The following MFSD2B variants were observed in gnomAD, a reference collection of about 807,000 sequenced individuals.
MFSD2B encodes MFSD2 lysolipid transporter B, sphingolipid.
Under a neutral mutation model 58.4 loss-of-function variants are expected in MFSD2B, and 56 were observed. The observed-to-expected ratio is 0.96, with a 90% CI of 0.77 to 1.20. The LOEUF is 1.20. Among genes scored for constraint, MFSD2B ranks in the 50% most tolerant of loss-of-function variants. MFSD2B has a pLI of 0.00. For missense variants in MFSD2B, 645 were observed against 667.6 expected (o/e 0.97, Z 0.37); for synonymous variants, 287 against 294.4 (o/e 0.97, Z 0.26).
rs1231593738 is a variant in MFSD2B, at chr2:24,020,856, C to T, written c.682-792C>T. ...AGCTGGAATGACAGGCATGAGCCAC[C>T]GTGCCTGTCCCTGCTTCCTATATTA... On this transcript the variant is annotated intron_variant, in intron 6 of 13. Coordinates refer to ENST00000338315, the MANE Select transcript of MFSD2B (RefSeq NM_001346880.2). This position sits in a 1 kb window ranked among gnomAD's most constrained non-coding sequence, Gnocchi z 4.1. Among the ~76,000 whole-genome samples the T allele has an allele frequency of 5.3e-5, 8 of 151,980 alleles. No homozygotes were observed. The highest frequency in any genetic ancestry group is 9.7e-5 in the African/African-American group (4 of 41,368).
At chr2:24,015,615 G>A (rs573663663) in intron 2 of MFSD2B, among the ~76,000 whole-genome samples, 84 of 152,342 alleles carry the variant, frequency 5.5e-4, no homozygotes, top group African/African-American at 2.0e-3. Context: ...TTGGGATGCT[G>A]CGATTTCAGA....
rs1369376666 is a variant in MFSD2B at position 24,020,869 on chromosome 2, G to A, written c.682-779G>A. Among the ~76,000 whole-genome samples the A allele has an allele frequency of 1.3e-5, 2 of 151,696 alleles. No homozygotes were observed. The highest frequency in any genetic ancestry group is 2.9e-5 in the Non-Finnish European group (2 of 67,884). ...GGCATGAGCCACCGTGCCTGTCCCTGCTTCCTATATTAATTTTTTATTTTT... is the reference window on the plus strand; with the variant it reads ...GGCATGAGCCACCGTGCCTGTCCCTACTTCCTATATTAATTTTTTATTTTT... On this transcript the variant is annotated intron_variant, in intron 6 of 13. Coordinates refer to ENST00000338315, the MANE Select transcript of MFSD2B (RefSeq NM_001346880.2). This position sits in a 1 kb window ranked among gnomAD's most constrained non-coding sequence, Gnocchi z 4.1.
At position 24,023,764 on chromosome 2, in the gene MFSD2B, G is replaced by A; in HGVS notation, c.1313+38G>A. 6.2e-7 allele frequency: 1 copy of A among 1,606,554 alleles called. No individual in the cohort carries two copies. Among genetic ancestry groups the A allele is most frequent in the Non-Finnish European group, 8.5e-7 (1 of 1,175,172 alleles). ...GTTAGGATACAGCAGAGGCACCAAG[G>A]ACCAGTGGGCAGGAAGAGGGCAAAG... is the stretch of plus-strand genomic sequence containing the variant. On this transcript the variant is annotated intron_variant, in intron 12 of 13. Transcript: ENST00000338315. The surrounding 1 kb of genome is among the most constrained non-coding windows in gnomAD (Gnocchi z 5.0).
Position 24,022,406 on chromosome 2 carries a change from A to G in MFSD2B, c.895-27A>G, listed in dbSNP as rs530457898. On this transcript the variant is annotated intron_variant, in intron 8 of 13. Transcript: ENST00000338315. This position sits in a 1 kb window ranked among gnomAD's most constrained non-coding sequence, Gnocchi z 4.5. ...TCTGAGCTCCTGCCATGCCCTGCAC[A>G]TACCCACTTCCTGTCCATCTCCTCA... 1 of 1,594,160 alleles carries G rather than the reference A, an allele frequency of 6.3e-7. No individual in the cohort carries two copies. Among genetic ancestry groups the G allele is most frequent in the Non-Finnish European group, 8.6e-7 (1 of 1,165,112 alleles).
rs561714317 is a variant in MFSD2B, at chr2:24,020,633, C to T, written c.682-1015C>T. ...GGAGTGCAATGGTGCAATCACAGCTCACAGCAACCTCGACCTCCCAGACTC... is the reference window on the plus strand; with the variant it reads ...GGAGTGCAATGGTGCAATCACAGCTTACAGCAACCTCGACCTCCCAGACTC... On this transcript the variant is annotated intron_variant, in intron 6 of 13. Coordinates refer to ENST00000338315, the MANE Select transcript of MFSD2B (RefSeq NM_001346880.2). This position sits in a 1 kb window ranked among gnomAD's most constrained non-coding sequence, Gnocchi z 4.1. 6.6e-6 allele frequency among the ~76,000 whole-genome samples: 1 copy of T among 152,290 alleles called. No homozygotes were observed. Among genetic ancestry groups the T allele is most frequent in the South Asian group, 2.1e-4 (1 of 4,822 alleles).
At chr2:24,013,450 CT>C in intron 2 of MFSD2B, 40 bp downstream of exon 2, 1 of 1,559,744 alleles carries the variant, frequency 6.4e-7, no homozygotes, top group Non-Finnish European at 8.7e-7. Context: ...TGGCATCTTC[CT>C]TGGGGTCTGG....
Position 24,010,187 on chromosome 2 carries a change from C to A in MFSD2B, c.91C>A (p.Arg31=), listed in dbSNP as rs951627734. The A allele has an allele frequency of 3.5e-6, 5 of 1,417,134 alleles. No individual in the cohort carries two copies. The Admixed American group carries it at 8.9e-5, about 25-fold the overall frequency. 87.8% of individuals were successfully genotyped at this position (1,417,134 alleles called of 1,614,324 possible). A position where few individuals can be genotyped will look rare whatever the true frequency, so the allele number is the denominator to read the frequency against. The stretch of plus-strand genomic sequence containing the variant: ...CGGCCCGGGGAGCGCCAAGCGAGGG[C>A]GAGAGGTGAGCGGGGCGGCGGGGAC... ...EPGPGSAKRG[R]EDSRAGRLSF... Residue 31 remains arginine, a synonymous_variant, in exon 1 of 14, where the codon CGA becomes AGA. Coordinates refer to ENST00000338315, the MANE Select transcript of MFSD2B (RefSeq NM_001346880.2).
At position 24,020,287 on chromosome 2, in the gene MFSD2B, A is replaced by G. The variant is rs962002455; in HGVS notation, c.682-1361A>G. Among the ~76,000 whole-genome samples, 1 of 152,206 alleles carries G rather than the reference A, an allele frequency of 6.6e-6. No homozygotes were observed. Among genetic ancestry groups the G allele is most frequent in the Non-Finnish European group, 1.5e-5 (1 of 68,030 alleles). On this transcript the variant is annotated intron_variant, in intron 6 of 13. Transcript: ENST00000338315. This position sits in a 1 kb window ranked among gnomAD's most constrained non-coding sequence, Gnocchi z 4.1. The stretch of plus-strand genomic sequence containing the variant: ...TTGGTGGCTCACAACCCACTGTCCC[A>G]TCAGATTTCACTTACAAAATTGAAA...
rs921946640 is a variant in MFSD2B at position 24,010,140 on chromosome 2, C to A, written c.44C>A (p.Pro15Gln). The A allele has an allele frequency of 2.7e-6, 4 of 1,463,400 alleles. No individual in the cohort carries two copies. The African/African-American group carries it at 4.4e-5, about 16-fold the overall frequency. The allele number at this position is 1,463,400 out of a possible 1,614,324, so 90.7% of individuals were successfully genotyped here. A position where few individuals can be genotyped will look rare whatever the true frequency, so the allele number is the denominator to read the frequency against. Reference sequence around the variant, plus strand: ...CCAGCCGCCAAGGGGTCCCCGCAGCCGGAGCCGCACGCCCCAGAGCCCGGC... The same window carrying A: ...CCAGCCGCCAAGGGGTCCCCGCAGCAGGAGCCGCACGCCCCAGAGCCCGGC... The part of the protein sequence containing the change: ...PAPAAKGSPQ[P>Q]EPHAPEPGPG... Residue 15 changes from proline (P) to glutamine (Q), a missense_variant, in exon 1 of 14, where the codon CCG becomes CAG. Coordinates refer to ENST00000338315, the MANE Select transcript of MFSD2B (RefSeq NM_001346880.2).
In MFSD2B at chr2:24,023,132, G is replaced by A. The variant is rs554027275; in HGVS notation, c.1062G>A (p.Ala354=). The part of the protein sequence containing the change: ...GKKTSAFGIF[A]MVPFAILLAA... ...AGCTGGTGTGTGTGTCTCCCCAGGC[G>A]ATGGTGCCCTTTGCGATCTTGCTGG... The change falls in exon 11 of 14, where the codon GCG becomes GCA. Residue 354 remains alanine (A), a splice_region_variant and synonymous_variant. Transcript: ENST00000338315. This position sits in a 1 kb window ranked among gnomAD's most constrained non-coding sequence, Gnocchi z 5.0. 18 of 1,611,440 alleles carry A rather than the reference G, an allele frequency of 1.1e-5. No individual in the cohort carries two copies. In the Admixed American group the frequency reaches 1.7e-4, roughly 15 times the overall value.
Position 24,017,711 on chromosome 2 carries a change from C to A in MFSD2B, c.681+123C>A. ...TGTCTTTTAGGGGGCTCACTGTGCC[C>A]CCTCATTCCTTCCCTGCTCCTCCAG... On this transcript the variant is annotated intron_variant, in intron 6 of 13. Transcript: ENST00000338315. The surrounding 1 kb of genome is among the most constrained non-coding windows in gnomAD (Gnocchi z 4.8). 1 of 1,053,962 alleles carries A rather than the reference C, an allele frequency of 9.5e-7. No individual in the cohort carries two copies. The highest frequency in any genetic ancestry group is 1.3e-6 in the Non-Finnish European group (1 of 743,598). 65.3% of individuals were successfully genotyped at this position (1,053,962 alleles called of 1,614,324 possible). A position where few individuals can be genotyped will look rare whatever the true frequency, so the allele number is the denominator to read the frequency against.
At position 24,023,313 on chromosome 2, in the gene MFSD2B, G is replaced by GC; in HGVS notation, c.1169+79dup. 7.9e-7 allele frequency: 1 copy of GC among 1,263,038 alleles called. No individual in the cohort carries two copies. The highest frequency in any genetic ancestry group is 1.1e-6 in the Non-Finnish European group (1 of 872,490). 78.2% of individuals were successfully genotyped at this position (1,263,038 alleles called of 1,614,324 possible). ...CCTTCATGTAAACCTGCCGTCCCAG[G>GC]CCCCCTGCACCCAGCCTGTGCAGGA... is the stretch of plus-strand genomic sequence containing the variant. On this transcript the variant is annotated intron_variant, in intron 11 of 13. Transcript: ENST00000338315. The surrounding 1 kb of genome is among the most constrained non-coding windows in gnomAD (Gnocchi z 5.0).
At position 24,022,922 on chromosome 2, in the gene MFSD2B, AGGAT is replaced by A; in HGVS notation, c.1059+21_1059+24del. ...ATCTTTGTGAGTGAGGCGGGAATCA[AGGAT>A]TGGGGGTGGCCGGAGGGGAGAGGTG... On this transcript the variant is annotated intron_variant, in intron 10 of 13. Transcript: ENST00000338315. The surrounding 1 kb of genome is among the most constrained non-coding windows in gnomAD (Gnocchi z 4.5). 6.2e-7 allele frequency: 1 copy of A among 1,601,058 alleles called. No homozygotes were observed. Among genetic ancestry groups the A allele is most frequent in the Non-Finnish European group, 8.5e-7 (1 of 1,173,908 alleles).
At position 24,025,792 on chromosome 2, in the gene MFSD2B, C is replaced by T. The variant is rs771127257; in HGVS notation, c.*336C>T. ...CACCCATTCAAGAAAACGTTACAGC[C>T]GGCTCACTGCAAAATCCGCCTCCCG... On this transcript the variant is annotated 3_prime_UTR_variant, in exon 14 of 14. Transcript: ENST00000338315. 1.2e-4 allele frequency: 31 copies of T among 266,324 alleles called. No individual in the cohort carries two copies. The highest frequency in any genetic ancestry group is 1.5e-4 in the Admixed American group (3 of 20,084). The allele number at this position is 266,324 out of a possible 1,614,324, so 16.5% of individuals were successfully genotyped here.
chr2:24,023,607 T>C lies in MFSD2B; in HGVS notation c.1194T>C (p.Asp398=), dbSNP rs2150942961. The change falls in exon 12 of 14, where the codon GAT becomes GAC. Residue 398 remains aspartate, a synonymous_variant. Coordinates refer to ENST00000338315, the MANE Select transcript of MFSD2B (RefSeq NM_001346880.2). This position sits in a 1 kb window ranked among gnomAD's most constrained non-coding sequence, Gnocchi z 5.0. ...GGTCCATGCTGCCAGACGTGGTGGATGACTTTCAGCTGCAGCACCGTCACG... is the reference window on the plus strand; with the variant it reads ...GGTCCATGCTGCCAGACGTGGTGGACGACTTTCAGCTGCAGCACCGTCACG... The part of the protein sequence containing the change: ...LPWSMLPDVV[D]DFQLQHRHGP... 6.2e-7 allele frequency: 1 copy of C among 1,613,920 alleles called. No homozygotes were observed. The highest frequency in any genetic ancestry group is 2.2e-5 in the East Asian group (1 of 44,884).
At position 24,013,289 on chromosome 2, in the gene MFSD2B, G is replaced by A; in HGVS notation, c.101G>A (p.Ser34Asn). Residue 34 changes from serine (S) to asparagine (N), a missense_variant, in exon 2 of 14, where the codon AGC becomes AAC. By Grantham distance (46) the Ser-to-Asn change is conservative. Coordinates refer to ENST00000338315, the MANE Select transcript of MFSD2B (RefSeq NM_001346880.2). The part of the protein sequence containing the change: ...PGSAKRGRED[S>N]RAGRLSFCTK... ...TAGTTCCTGTGTCTCCTCCAGGACAGCAGAGCCGGTCGCCTCTCATTCTGT... is the reference window on the plus strand; with the variant it reads ...TAGTTCCTGTGTCTCCTCCAGGACAACAGAGCCGGTCGCCTCTCATTCTGT... 9 of 1,601,956 alleles carry A rather than the reference G, an allele frequency of 5.6e-6. No individual in the cohort carries two copies. Among genetic ancestry groups the A allele is most frequent in the Non-Finnish European group, 7.7e-6 (9 of 1,171,528 alleles).
chr2:24,017,021 A>G lies in MFSD2B; in HGVS notation c.471+53A>G. 1.2e-6 allele frequency: 2 copies of G among 1,607,330 alleles called. No homozygotes were observed. The highest frequency in any genetic ancestry group is 1.7e-6 in the Non-Finnish European group (2 of 1,178,810). ...GCTCTGGCGAAGCCCATTGCTGGCC[A>G]TGGCCACTCTGAAGTGTGCTGTGGG... is the stretch of plus-strand genomic sequence containing the variant. On this transcript the variant is annotated intron_variant, in intron 4 of 13. Coordinates refer to ENST00000338315, the MANE Select transcript of MFSD2B (RefSeq NM_001346880.2). The surrounding 1 kb of genome is among the most constrained non-coding windows in gnomAD (Gnocchi z 4.8).
intron 2 of MFSD2B, among the ~76,000 whole-genome samples, chr2:24,014,097 C>T (rs1225486576): frequency 6.6e-6 from 1 of 152,068 alleles, no homozygotes; most frequent in African/African-American, 2.4e-5. Context: ...ACTGCAACCT[C>T]TGCCTCCCGG....
rs141800886 is a variant in MFSD2B at position 24,024,041 on chromosome 2, C to G, written c.1314-54C>G. On this transcript the variant is annotated intron_variant, in intron 12 of 13. Transcript: ENST00000338315. This position sits in a 1 kb window ranked among gnomAD's most constrained non-coding sequence, Gnocchi z 4.3. ...GGGTGAGGTGTCGAGTCCCTCCACC[C>G]AGGGTGCCAGGCTCAGCAGGCCCTG... 1.6e-4 allele frequency: 252 copies of G among 1,581,732 alleles called. 2 individuals carry two copies. In the East Asian group the frequency reaches 5.5e-3, roughly 35 times the overall value.
Sources: gnomAD v4.1 joint callset for allele counts (sites outside exome capture counted in the v4.1 genomes callset) on GRCh38, gnomAD v4.1.1 for gene constraint, Gnocchi (gnomAD v3.1) non-coding constraint, MANE v1.5 for transcripts, NCBI Gene and HGNC (gene_info 2026-07-23, HGNC 2026-07-21) for gene names.